The following SOX6 variants were observed in gnomAD, a reference collection of about 807,000 sequenced individuals.
SOX6 encodes the protein transcription factor SOX-6.
In SOX6, 11 loss-of-function variants were observed where a neutral mutation model predicts 97.8. That is an observed-to-expected ratio of 0.11 (90% CI 0.07 to 0.19). The LOEUF is 0.19. SOX6 is among the 10% of genes least tolerant of loss of function. SOX6 has a pLI of 1.00. For missense variants in SOX6, 810 were observed against 1,039.5 expected (o/e 0.78, Z 3.04); for synonymous variants, 360 against 371.4 (o/e 0.97, Z 0.35).
chr11:16,705,884 A>G (rs1046099026), intron 3 of SOX6, among the ~76,000 whole-genome samples: 2 of 150,328 alleles, frequency 1.3e-5, no homozygotes, highest in Non-Finnish European at 2.9e-5. Context: ...GTACAATAGA[A>G]CATATCTAAT....
chr11:16,249,552 C>T (rs961496181), intron 3 of SOX6, among the ~76,000 whole-genome samples: 13 of 152,182 alleles, frequency 8.5e-5, no homozygotes, highest in African/African-American at 2.2e-4. Context: ...CCAAACTGTT[C>T]CAACCTCTGC....
intron 3 of SOX6, among the ~76,000 whole-genome samples, chr11:16,288,399 A>G (rs1321089133): frequency 6.6e-6 from 1 of 151,916 alleles, no homozygotes; most frequent in African/African-American, 2.4e-5. Context: ...TCCCATCCTC[A>G]TAATAGGATG....
chr11:16,118,272 C>G (rs1289230304), intron 6 of SOX6, among the ~76,000 whole-genome samples: 1 of 152,212 alleles, frequency 6.6e-6, no homozygotes, highest in Non-Finnish European at 1.5e-5. Flanking sequence ...TAAACTTATA[C>G]AATCCCTAAC....
At chr11:16,412,257 A>G (rs1858836167) in intron 1 of SOX6, among the ~76,000 whole-genome samples, 1 of 152,228 alleles carries the variant, frequency 6.6e-6, no homozygotes. Flanking sequence ...AACACATTTC[A>G]TCATAAAACC....
intron 4 of SOX6, among the ~76,000 whole-genome samples, chr11:16,229,020 G>A (rs1852768601): frequency 6.6e-6 from 1 of 152,098 alleles, no homozygotes; most frequent in African/African-American, 2.4e-5. Context: ...TAAGCTCCCT[G>A]AGTTGAAGAA....
chr11:16,687,608 TA>T (rs1365784238), intron 3 of SOX6, among the ~76,000 whole-genome samples: 4 of 152,310 alleles, frequency 2.6e-5, no homozygotes, highest in African/African-American at 9.6e-5. Flanking sequence ...TTTATGTGCA[TA>T]AAAAGTCTTT....
At chr11:16,614,510 T>A (rs1848445470) in intron 3 of SOX6, among the ~76,000 whole-genome samples, 1 of 152,224 alleles carries the variant, frequency 6.6e-6, no homozygotes, top group African/African-American at 2.4e-5. Context: ...GGTAAAATAA[T>A]AATGATTATT....
intron 14 of SOX6, 126 bp from the exon 15 acceptor site, chr11:15,986,546 C>T (rs1853846493): frequency 1.2e-6 from 1 of 812,506 alleles, no homozygotes; most frequent in Non-Finnish European, 2.1e-6. Flanking sequence ...TCCCACATAC[C>T]ACTGGCTGTC....
intron 7 of SOX6, among the ~76,000 whole-genome samples, chr11:16,098,532 A>G (rs1299068790): frequency 6.6e-6 from 1 of 151,874 alleles, no homozygotes; most frequent in East Asian, 1.9e-4. Context: ...GGCTGTGTGC[A>G]GTAACCTGAA....
rs982595583 is a variant in SOX6 at position 16,051,038 on chromosome 11, T to A, written c.1252-1100A>T. On this transcript the variant is annotated intron_variant, in intron 10 of 15. Coordinates refer to ENST00000683767, the MANE Select transcript of SOX6 (RefSeq NM_001367873.1). ...ACCTTGCTGGGGCTCAATTTCTTCA[T>A]CTGTGAAAAGAGGGTCTGATACTAG... Among the ~76,000 whole-genome samples, 8 of 151,998 alleles carry A rather than the reference T, an allele frequency of 5.3e-5. No individual in the cohort carries two copies. The East Asian group carries it at 1.5e-3, about 29-fold the overall frequency.
At chr11:16,283,989 ATG>A (rs1406156150) in intron 3 of SOX6, 3 of 365,384 alleles carry the variant, frequency 8.2e-6, no homozygotes, top group African/African-American at 6.6e-5. Flanking sequence ...TATTTAAATA[ATG>A]TGTTTACACT....
chr11:16,691,707 G>T (rs1407277472), intron 3 of SOX6, among the ~76,000 whole-genome samples: 1 of 152,172 alleles, frequency 6.6e-6, no homozygotes, highest in East Asian at 1.9e-4. Flanking sequence ...TGAGGCAGGA[G>T]AATCACTTGA....
intron 6 of SOX6, among the ~76,000 whole-genome samples, chr11:16,142,189 T>C (rs1003879075): frequency 6.6e-6 from 1 of 152,168 alleles, no homozygotes; most frequent in African/African-American, 2.4e-5. Context: ...ACATTTGCTG[T>C]TCAGCTATAT....
chr11:16,143,997 C>A (rs776925324), intron 6 of SOX6, among the ~76,000 whole-genome samples: 3 of 152,062 alleles, frequency 2.0e-5, no homozygotes, highest in Non-Finnish European at 4.4e-5. Flanking sequence ...CTGCACCAGG[C>A]GGACCTAATA....
intron 3 of SOX6, among the ~76,000 whole-genome samples, chr11:16,306,846 G>A (rs1317655265): frequency 6.6e-6 from 1 of 151,794 alleles, no homozygotes; most frequent in Non-Finnish European, 1.5e-5. Context: ...GGATGGTCTC[G>A]ATCTCCTGAC....
chr11:16,186,022 T>C (rs895124066), intron 5 of SOX6, among the ~76,000 whole-genome samples: 1 of 152,174 alleles, frequency 6.6e-6, no homozygotes, highest in African/African-American at 2.4e-5. Context: ...CAGGGACTAC[T>C]CTATAGGATC....
In SOX6 at chr11:16,673,975, G is replaced by T. The variant is rs556709441; in HGVS notation, n.429+40855C>A. On this transcript the variant is annotated intron_variant and non_coding_transcript_variant, in intron 3 of 5. Coordinates refer to the SOX6 transcript ENST00000524520. ...GAGGCCGAGGCAGGCGGATCACAAG[G>T]TCAGGAGATCAAGACCATCCTGGCT... is the stretch of plus-strand genomic sequence containing the variant. 2.6e-5 allele frequency among the ~76,000 whole-genome samples: 4 copies of T among 151,904 alleles called. No homozygotes were observed. The East Asian group carries it at 5.8e-4, about 22-fold the overall frequency.
intron 3 of SOX6, among the ~76,000 whole-genome samples, chr11:16,711,148 A>G (rs1848176344): frequency 6.6e-6 from 1 of 151,992 alleles, no homozygotes; most frequent in Admixed American, 6.6e-5. Context: ...CTTCACTTCT[A>G]CTCTTGACCT....
intron 4 of SOX6, among the ~76,000 whole-genome samples, chr11:16,528,431 A>T (rs1196713427): frequency 6.6e-6 from 1 of 152,088 alleles, no homozygotes; most frequent in Non-Finnish European, 1.5e-5. Flanking sequence ...AGGGTGTGTG[A>T]AGGGAGGGCT....
Sources: allele counts gnomAD v4.1 joint callset (sites outside exome capture counted in the v4.1 genomes callset), GRCh38; gene constraint gnomAD v4.1.1; transcripts MANE v1.5; gene names NCBI Gene and HGNC (gene_info 2026-07-23, HGNC 2026-07-21).